SLC4A10: variants seen among roughly 807,000 people sequenced by gnomAD.
The protein encoded by SLC4A10 is sodium-driven chloride bicarbonate exchanger.
SLC4A10 carries 42 observed loss-of-function variants against 137.7 expected under a neutral mutation model. The observed-to-expected ratio is 0.30, with a 90% CI of 0.24 to 0.39. SLC4A10 has a LOEUF of 0.39. SLC4A10 is among the 10% of genes least tolerant of loss of function. The pLI, the probability that SLC4A10 is intolerant of heterozygous loss-of-function variation, is 1.00. For missense variants in SLC4A10, 925 were observed against 1,355.0 expected (o/e 0.68, Z 4.98); for synonymous variants, 474 against 464.1 (o/e 1.02, Z -0.27).
chr2:161,961,923 C>A (rs751770356), intron 21 of SLC4A10, among the ~76,000 whole-genome samples: 2 of 152,024 alleles, frequency 1.3e-5, no homozygotes, highest in African/African-American at 2.4e-5. Context: ...AAACAGTGTT[C>A]GTGAAAATTT....
chr2:161,745,647 G>A (rs2048316460), intron 1 of SLC4A10, among the ~76,000 whole-genome samples: 1 of 152,036 alleles, frequency 6.6e-6, no homozygotes, highest in African/African-American at 2.4e-5. Flanking sequence ...TCTGGGTGTC[G>A]AAGAGTTATG....
At chr2:161,877,757 G>A (rs1462430377) in intron 8 of SLC4A10, among the ~76,000 whole-genome samples, 7 of 151,928 alleles carry the variant, frequency 4.6e-5, no homozygotes, top group African/African-American at 1.4e-4. Context: ...AATTTTGGAT[G>A]TATAATATTT....
At chr2:161,626,198 G>A (rs1490626052) in intron 1 of SLC4A10, among the ~76,000 whole-genome samples, 2 of 152,038 alleles carry the variant, frequency 1.3e-5, no homozygotes, top group African/African-American at 2.4e-5. Flanking sequence ...GGGTGGGGTG[G>A]GGTGTTGGAA....
At chr2:161,828,729 G>T (rs191358150) in intron 3 of SLC4A10, among the ~76,000 whole-genome samples, 1 of 122,636 alleles carries the variant, frequency 8.2e-6, no homozygotes, top group Non-Finnish European at 1.7e-5. Flanking sequence ...CTTCAGGTTC[G>T]GCTGGATTCC....
chr2:161,692,363 A>C (rs1186867229), intron 1 of SLC4A10, among the ~76,000 whole-genome samples: 5 of 152,062 alleles, frequency 3.3e-5, no homozygotes, highest in Non-Finnish European at 7.4e-5. Context: ...TGGATTGTTG[A>C]GCATACTTGA....
chr2:161,725,957 C>T (rs571656767), intron 1 of SLC4A10, among the ~76,000 whole-genome samples: 43 of 152,302 alleles, frequency 2.8e-4, no homozygotes, highest in African/African-American at 6.0e-4. Context: ...CATACTTGCA[C>T]GTCTTCTCCC....
chr2:161,974,527 G>A (rs1308865363), intron 24 of SLC4A10, among the ~76,000 whole-genome samples: 2 of 152,150 alleles, frequency 1.3e-5, no homozygotes, highest in African/African-American at 2.4e-5. Flanking sequence ...ATGAAGTGAA[G>A]CAGGAAGCTG....
At chr2:161,680,054 T>G (rs1345655204) in intron 1 of SLC4A10, among the ~76,000 whole-genome samples, 1 of 152,102 alleles carries the variant, frequency 6.6e-6, no homozygotes, top group Non-Finnish European at 1.5e-5. Context: ...GTCTATGGTG[T>G]TTCCCTTTGT....
chr2:161,742,028 G>A (rs1206834149), intron 1 of SLC4A10, among the ~76,000 whole-genome samples: 2 of 152,038 alleles, frequency 1.3e-5, no homozygotes, highest in African/African-American at 4.8e-5. Context: ...ATCTCCATGA[G>A]TTCAATGATT....
intron 1 of SLC4A10, among the ~76,000 whole-genome samples, chr2:161,720,072 T>C (rs1170182552): frequency 2.0e-5 from 3 of 152,342 alleles, no homozygotes; most frequent in Non-Finnish European, 2.9e-5. Context: ...AATTTTTGTA[T>C]AAGGTGTAAG....
chr2:161,907,883 G>T (rs1285258956), intron 15 of SLC4A10, among the ~76,000 whole-genome samples: 1 of 152,244 alleles, frequency 6.6e-6, no homozygotes, highest in African/African-American at 2.4e-5. Context: ...CTCTCCAAAA[G>T]AAACTATGTA....
In SLC4A10 at chr2:161,781,839, C is replaced by T. The variant is rs115554689; in HGVS notation, c.130+10785C>T. Among the ~76,000 whole-genome samples, 470 of 152,168 alleles carry T rather than the reference C, an allele frequency of 3.1e-3. 2 individuals carry two copies. Among genetic ancestry groups the T allele is most frequent in the Non-Finnish European group, 4.5e-3 (304 of 67,980 alleles). On this transcript the variant is annotated intron_variant, in intron 2 of 26. Transcript: ENST00000446997. ...TGGGTGAATGCAAAATCAGATCCAT[C>T]GAAGCTGGTGAGGATATTCACGACA...
intron 2 of SLC4A10, among the ~76,000 whole-genome samples, chr2:161,790,033 A>G (rs769435578): frequency 2.0e-5 from 3 of 152,212 alleles, no homozygotes; most frequent in Non-Finnish European, 2.9e-5. Context: ...AATGACTTAA[A>G]TAGGTCACCT....
chr2:161,776,856 GGTGT>G (rs71009340), intron 2 of SLC4A10, among the ~76,000 whole-genome samples: 17,389 of 143,090 alleles, frequency 0.12, 1,143 homozygotes, highest in African/African-American at 0.18. Flanking sequence ...CTTATTTTCT[GGTGT>G]GTGTGTGTGT....
chr2:161,828,729 G>A (rs191358150), intron 3 of SLC4A10, among the ~76,000 whole-genome samples: 266 of 122,640 alleles, frequency 2.2e-3, no homozygotes, highest in African/African-American at 7.6e-3. Context: ...CTTCAGGTTC[G>A]GCTGGATTCC....
intron 17 of SLC4A10, among the ~76,000 whole-genome samples, chr2:161,948,240 C>T (rs1228716445): frequency 2.0e-5 from 3 of 151,920 alleles, no homozygotes; most frequent in Non-Finnish European, 4.4e-5. Flanking sequence ...CAAAGTAACA[C>T]CTATAATGTC....
intron 1 of SLC4A10, among the ~76,000 whole-genome samples, chr2:161,714,476 T>A (rs2044632535): frequency 6.6e-6 from 1 of 151,920 alleles, no homozygotes; most frequent in African/African-American, 2.4e-5. Context: ...GAAGAATAAG[T>A]TAAGGGAGAA....
intron 4 of SLC4A10, among the ~76,000 whole-genome samples, chr2:161,851,980 C>T (rs779255167): frequency 6.6e-6 from 1 of 152,158 alleles, no homozygotes; most frequent in Non-Finnish European, 1.5e-5. Context: ...GCCTCGATCT[C>T]CTGGGCTCAA....
chr2:161,624,602 G>T, intron 1 of SLC4A10, 36 bp downstream of exon 1: 1 of 1,551,238 alleles, frequency 6.4e-7, no homozygotes, highest in South Asian at 1.2e-5. Flanking sequence ...GATTAACCGC[G>T]TTTGCTGCAA....
Sources: allele counts gnomAD v4.1 joint callset (sites outside exome capture counted in the v4.1 genomes callset), GRCh38; gene constraint gnomAD v4.1.1; transcripts MANE v1.5; gene names NCBI Gene and HGNC (gene_info 2026-07-23, HGNC 2026-07-21).